The following CACNB4 variants were observed in gnomAD, a reference collection of about 807,000 sequenced individuals.
The protein encoded by CACNB4 is calcium voltage-gated channel auxiliary subunit beta 4, also known as voltage-dependent L-type calcium channel subunit beta-4.
Under a neutral mutation model 71.2 loss-of-function variants are expected in CACNB4, and 32 were observed. The observed-to-expected ratio is 0.45, with a 90% CI of 0.34 to 0.60. CACNB4 has a LOEUF of 0.60. CACNB4 is among the 20% of genes least tolerant of loss of function. The pLI, the probability that CACNB4 is intolerant of heterozygous loss-of-function variation, is 0.01. For missense variants in CACNB4, 464 were observed against 647.9 expected (o/e 0.72, Z 3.08); for synonymous variants, 231 against 236.9 (o/e 0.97, Z 0.23).
intron 2 of CACNB4, among the ~76,000 whole-genome samples, chr2:151,928,504 T>C (rs2151594675): frequency 6.6e-6 from 1 of 152,366 alleles, no homozygotes; most frequent in South Asian, 2.1e-4. Flanking sequence ...GATTACACCC[T>C]GATTATATCT....
chr2:151,952,663 G>T (rs551770154), intron 2 of CACNB4, among the ~76,000 whole-genome samples: 12 of 152,266 alleles, frequency 7.9e-5, no homozygotes, highest in African/African-American at 2.6e-4. Flanking sequence ...GAACTTAATG[G>T]GCTGCCCCAG....
At chr2:151,841,797 T>C (rs1477286447) in intron 13 of CACNB4, 106 bp downstream of exon 13, 5 of 914,262 alleles carry the variant, frequency 5.5e-6, no homozygotes, top group East Asian at 4.8e-5. Context: ...GTGCACATAG[T>C]GTTCCCTCTT....
At chr2:151,906,972 T>C (rs1292915549) in intron 2 of CACNB4, among the ~76,000 whole-genome samples, 1 of 152,240 alleles carries the variant, frequency 6.6e-6, no homozygotes, top group Non-Finnish European at 1.5e-5. Flanking sequence ...TTTGTTATCA[T>C]TGCACTTACA....
chr2:152,068,459 C>T (rs796269773), intron 2 of CACNB4, among the ~76,000 whole-genome samples: 53 of 152,266 alleles, frequency 3.5e-4, no homozygotes, highest in African/African-American at 1.3e-3. Context: ...GCTTATTCAT[C>T]AAAGGAATAT....
intron 2 of CACNB4, among the ~76,000 whole-genome samples, chr2:152,052,585 C>A (rs914927369): frequency 3.3e-5 from 5 of 152,234 alleles, no homozygotes; most frequent in African/African-American, 9.6e-5. Flanking sequence ...TGAGCCACCA[C>A]ACCTGGCTGT....
chr2:152,034,438 G>A (rs188981483), intron 2 of CACNB4, among the ~76,000 whole-genome samples: 28 of 152,188 alleles, frequency 1.8e-4, no homozygotes, highest in African/African-American at 6.5e-4. Context: ...ACACAGCAGG[G>A]GAACTGAGAG....
intron 2 of CACNB4, among the ~76,000 whole-genome samples, chr2:152,086,243 A>G (rs1326689050): frequency 1.3e-5 from 2 of 152,266 alleles, no homozygotes; most frequent in Non-Finnish European, 2.9e-5. Context: ...ATTGTAATAA[A>G]GTAAATGAAT....
chr2:151,935,055 A>G (rs1560025071), intron 2 of CACNB4, among the ~76,000 whole-genome samples: 1 of 152,232 alleles, frequency 6.6e-6, no homozygotes. Flanking sequence ...ACCTTCCTAG[A>G]ACTCACCTGG....
At chr2:152,046,916 T>TA (rs770610882) in intron 2 of CACNB4, among the ~76,000 whole-genome samples, 3 of 152,202 alleles carry the variant, frequency 2.0e-5, no homozygotes, top group Non-Finnish European at 2.9e-5. Context: ...GAACTTCTGC[T>TA]AAAAAAAGAT....
At chr2:151,841,863 T>G in intron 13 of CACNB4, 40 bp downstream of exon 13, 2 of 1,561,478 alleles carry the variant, frequency 1.3e-6, no homozygotes, top group Non-Finnish European at 1.8e-6. Context: ...GAATTTTACA[T>G]GTAAGGTTGT....
chr2:152,046,783 A>G (rs1035869611), intron 2 of CACNB4, among the ~76,000 whole-genome samples: 1 of 152,126 alleles, frequency 6.6e-6, no homozygotes, highest in Non-Finnish European at 1.5e-5. Flanking sequence ...TAACCCTGAA[A>G]TTCATCACAG....
At chr2:152,054,329 G>A (rs1365425838) in intron 2 of CACNB4, among the ~76,000 whole-genome samples, 3 of 133,170 alleles carry the variant, frequency 2.3e-5, no homozygotes, top group African/African-American at 5.8e-5. Flanking sequence ...TCGCGCCACT[G>A]CACTCCAGCC....
intron 2 of CACNB4, among the ~76,000 whole-genome samples, chr2:152,003,712 T>C (rs892950565): frequency 7.2e-5 from 11 of 152,172 alleles, no homozygotes; most frequent in African/African-American, 2.7e-4. Flanking sequence ...TAATTCATCA[T>C]TGTATTGACT....
intron 4 of CACNB4, chr2:151,879,683 G>A (rs1209906730): frequency 4.6e-5 from 7 of 152,126 alleles, no homozygotes; most frequent in African/African-American, 1.7e-4. Context: ...TTTCTTATCT[G>A]ATAATTTCAA....
intron 2 of CACNB4, among the ~76,000 whole-genome samples, chr2:152,080,267 G>A (rs867825600): frequency 5.3e-5 from 8 of 151,866 alleles, no homozygotes; most frequent in African/African-American, 1.2e-4. Flanking sequence ...GATTACAGGC[G>A]CACACCACCA....
At chr2:152,083,635 T>C (rs1456479906) in intron 2 of CACNB4, among the ~76,000 whole-genome samples, 2 of 152,244 alleles carry the variant, frequency 1.3e-5, no homozygotes, top group Non-Finnish European at 2.9e-5. Context: ...ATCTGAAGTA[T>C]AAAGTTTGCC....
rs1193349201 is a variant in CACNB4, at chr2:152,008,187, GTTC to G, written c.147+90140_147+90142del. ...TTTCTCCACATGCTTTCTAACACTTGTTCTTTTTTTTTTTAAGCCATCACAGTG... is the reference window on the plus strand; with the variant it reads ...TTTCTCCACATGCTTTCTAACACTTGTTTTTTTTTTTAAGCCATCACAGTG... On this transcript the variant is annotated intron_variant, in intron 2 of 13. Coordinates refer to ENST00000539935, the MANE Select transcript of CACNB4 (RefSeq NM_000726.5). 4.0e-5 allele frequency among the ~76,000 whole-genome samples: 6 copies of G among 151,338 alleles called. No individual in the cohort carries two copies. The East Asian group carries it at 1.2e-3, about 29-fold the overall frequency.
chr2:151,919,422 A>T (rs1182172652), intron 2 of CACNB4, among the ~76,000 whole-genome samples: 1 of 152,124 alleles, frequency 6.6e-6, no homozygotes, highest in African/African-American at 2.4e-5. Context: ...AGGACAAAAC[A>T]TGCTTTCCAA....
chr2:151,930,702 T>G (rs778952859), intron 2 of CACNB4, among the ~76,000 whole-genome samples: 2 of 152,180 alleles, frequency 1.3e-5, no homozygotes, highest in African/African-American at 4.8e-5. Context: ...AAAGGTAATA[T>G]TGTTTACTGA....
Sources: gnomAD v4.1 joint callset for allele counts (sites outside exome capture counted in the v4.1 genomes callset) on GRCh38, gnomAD v4.1.1 for gene constraint, MANE v1.5 for transcripts, NCBI Gene and HGNC (gene_info 2026-07-23, HGNC 2026-07-21) for gene names.